SVOP: variants seen among roughly 807,000 people sequenced by gnomAD.
SVOP encodes the protein SV2 related protein.
Under a neutral mutation model 69.1 loss-of-function variants are expected in SVOP, and 17 were observed. That is an observed-to-expected ratio of 0.25 (90% CI 0.17 to 0.37). The LOEUF is 0.37. Among genes scored for constraint, SVOP ranks in the 10% least tolerant of loss-of-function variants. The pLI, the probability that SVOP is intolerant of heterozygous loss-of-function variation, is 1.00. For synonymous variants in SVOP, 238 were observed against 238.6 expected, an observed-to-expected ratio of 1.00 and a Z score of 0.02; for missense variants, 435 against 597.5, an observed-to-expected ratio of 0.73 and a Z score of 2.84.
intron 6 of SVOP, among the ~76,000 whole-genome samples, chr12:108,949,173 T>C (rs1294701483): frequency 6.6e-6 from 1 of 152,212 alleles, no homozygotes; most frequent in Non-Finnish European, 1.5e-5. Context: ...TACATAAGCA[T>C]GCAGAGTATA....
At chr12:108,960,364 C>T (rs1379990528) in intron 6 of SVOP, among the ~76,000 whole-genome samples, 1 of 152,200 alleles carries the variant, frequency 6.6e-6, no homozygotes, top group Non-Finnish European at 1.5e-5. Context: ...CCCCAGGAGA[C>T]AGTGGCTTCT....
intron 6 of SVOP, among the ~76,000 whole-genome samples, chr12:108,946,689 T>TA (rs2039925041): frequency 1.6e-5 from 2 of 127,540 alleles, no homozygotes; most frequent in Admixed American, 8.8e-5. Flanking sequence ...TGCAACCTGT[T>TA]TTTATTATTA....
At chr12:108,966,315 T>C (rs2137426335) in intron 5 of SVOP, among the ~76,000 whole-genome samples, 1 of 152,304 alleles carries the variant, frequency 6.6e-6, no homozygotes, top group South Asian at 2.1e-4. Flanking sequence ...GATGCGTTTA[T>C]CTCCATGTCT....
intron 1 of SVOP, among the ~76,000 whole-genome samples, chr12:109,013,309 G>A (rs1320439363): frequency 6.6e-6 from 1 of 152,024 alleles, no homozygotes; most frequent in African/African-American, 2.4e-5. Flanking sequence ...GGAGAATATG[G>A]TATTGGAGGA....
At chr12:109,019,741 T>C (rs1201652130) in intron 1 of SVOP, among the ~76,000 whole-genome samples, 1 of 152,208 alleles carries the variant, frequency 6.6e-6, no homozygotes, top group Non-Finnish European at 1.5e-5. Context: ...TTAAATTAAT[T>C]AAAAATTTTG....
intron 2 of SVOP, among the ~76,000 whole-genome samples, chr12:108,979,673 T>C (rs2040126287): frequency 6.6e-6 from 1 of 152,172 alleles, no homozygotes; most frequent in African/African-American, 2.4e-5. Flanking sequence ...AAAATGTATA[T>C]ACGTGTGTGT....
At chr12:108,939,140 C>T (rs955010239) in intron 8 of SVOP, among the ~76,000 whole-genome samples, 185 bp from the exon 9 acceptor site, 1 of 152,214 alleles carries the variant, frequency 6.6e-6, no homozygotes, top group African/African-American at 2.4e-5. Context: ...AATTACTTGA[C>T]TTCTCTGTGC....
intron 7 of SVOP, among the ~76,000 whole-genome samples, chr12:108,942,338 C>T (rs972951040): frequency 1.3e-5 from 2 of 152,230 alleles, no homozygotes; most frequent in African/African-American, 4.8e-5. Flanking sequence ...TGATTTTGCT[C>T]ACTGACATCC....
chr12:108,945,189 A>C lies in SVOP; in HGVS notation c.579-23T>G. ...ACCCTGGGAATGTAAAAGGGAAAGAAAGGGAGTTAAGATCAGAACTGGGTG... is the reference window on the plus strand; with the variant it reads ...ACCCTGGGAATGTAAAAGGGAAAGACAGGGAGTTAAGATCAGAACTGGGTG... On this transcript the variant is annotated intron_variant, in intron 6 of 15. Coordinates refer to ENST00000610966, the MANE Select transcript of SVOP (RefSeq NM_018711.5). The C allele has an allele frequency of 2.6e-6, 4 of 1,536,632 alleles. No homozygotes were observed. In the South Asian group the frequency reaches 4.8e-5, roughly 18 times the overall value.
intron 2 of SVOP, among the ~76,000 whole-genome samples, chr12:108,980,590 A>AT (rs1437631895): frequency 0.29 from 41,536 of 143,168 alleles, 6,631 homozygotes; most frequent in African/African-American, 0.39. Context: ...CTCTACTGAA[A>AT]ATACAAAAAA....
intron 12 of SVOP, among the ~76,000 whole-genome samples, chr12:108,921,921 A>G (rs1447245167): frequency 6.6e-6 from 1 of 152,238 alleles, no homozygotes; most frequent in African/African-American, 2.4e-5. Flanking sequence ...CAGGTACTCA[A>G]TAAATACTAG....
intron 15 of SVOP, among the ~76,000 whole-genome samples, chr12:108,913,567 C>G (rs1474948620): frequency 2.6e-5 from 4 of 152,174 alleles, no homozygotes; most frequent in African/African-American, 4.8e-5. Context: ...CTCCTTATAA[C>G]TCTTCTCTCC....
At chr12:109,012,269 C>T (rs890271282) in intron 1 of SVOP, among the ~76,000 whole-genome samples, 1 of 149,472 alleles carries the variant, frequency 6.7e-6, no homozygotes, top group Non-Finnish European at 1.5e-5. Context: ...AGCAACAGAG[C>T]GAGACTGTCT....
At chr12:109,012,534 C>T (rs895140627) in intron 1 of SVOP, among the ~76,000 whole-genome samples, 1 of 151,996 alleles carries the variant, frequency 6.6e-6, no homozygotes, top group African/African-American at 2.4e-5. Context: ...TTTTATTTGT[C>T]AATTTAACAT....
chr12:108,934,124 G>T, intron 11 of SVOP, 71 bp downstream of exon 11: 1 of 1,332,092 alleles, frequency 7.5e-7, no homozygotes, highest in Non-Finnish European at 1.0e-6. Context: ...TGGGGTGGGA[G>T]TGTGTGCATG....
chr12:108,978,384 CA>C (rs1023640375), intron 3 of SVOP, 193 bp downstream of exon 3: 99 of 526,980 alleles, frequency 1.9e-4, no homozygotes, highest in African/African-American at 1.5e-3. Flanking sequence ...GGGCAACTGC[CA>C]AACACACCCA....
intron 2 of SVOP, among the ~76,000 whole-genome samples, chr12:108,981,048 T>C (rs1474066432): frequency 6.6e-6 from 1 of 152,178 alleles, no homozygotes; most frequent in Non-Finnish European, 1.5e-5. Flanking sequence ...TGTATGTCAA[T>C]CATAATTTTC....
At chr12:108,925,827 T>A (rs1044138691) in intron 11 of SVOP, among the ~76,000 whole-genome samples, 1 of 152,088 alleles carries the variant, frequency 6.6e-6, no homozygotes, top group Non-Finnish European at 1.5e-5. Context: ...TTCCTTCAAG[T>A]CTTTGAATTT....
At chr12:108,940,941 G>T in intron 7 of SVOP, 32 bp from the exon 8 acceptor site, 1 of 1,533,450 alleles carries the variant, frequency 6.5e-7, no homozygotes, top group South Asian at 1.2e-5. Context: ...CAGTGGTGGG[G>T]GTAGCATGGT....
Sources: gnomAD v4.1 joint callset for allele counts (sites outside exome capture counted in the v4.1 genomes callset) on GRCh38, gnomAD v4.1.1 for gene constraint, MANE v1.5 for transcripts, NCBI Gene and HGNC (gene_info 2026-07-23, HGNC 2026-07-21) for gene names.